The following SKAP1 variants were observed in gnomAD, a reference collection of about 807,000 sequenced individuals.
The protein encoded by SKAP1 is src kinase-associated phosphoprotein 1.
Under a neutral mutation model 58.5 loss-of-function variants are expected in SKAP1, and 44 were observed. The observed-to-expected ratio is 0.75, with a 90% CI of 0.59 to 0.97. SKAP1 has a LOEUF of 0.97. Among genes scored for constraint, SKAP1 ranks in the 50% least tolerant of loss-of-function variants. The pLI is 0.00. For missense variants in SKAP1, 390 were observed against 435.2 expected (o/e 0.90, Z 0.92); for synonymous variants, 127 against 149.7 (o/e 0.85, Z 1.11).
chr17:48,301,776 C>G (rs2066060790), intron 4 of SKAP1, among the ~76,000 whole-genome samples: 1 of 152,194 alleles, frequency 6.6e-6, no homozygotes, highest in African/African-American at 2.4e-5. Flanking sequence ...CGCACCCAGT[C>G]TGAATCTACA....
chr17:48,416,092 C>G (rs1319979046), intron 1 of SKAP1, among the ~76,000 whole-genome samples: 1 of 152,098 alleles, frequency 6.6e-6, no homozygotes, highest in Non-Finnish European at 1.5e-5. Flanking sequence ...AACATTGCTT[C>G]TATAAGAAAA....
intron 11 of SKAP1, among the ~76,000 whole-genome samples, chr17:48,159,578 G>C (rs946832668): frequency 2.5e-4 from 38 of 152,308 alleles, no homozygotes; most frequent in African/African-American, 7.5e-4. Flanking sequence ...GAGTGTAACG[G>C]ACCCCAGCAA....
chr17:48,210,246 G>A (rs1050410638), intron 4 of SKAP1, among the ~76,000 whole-genome samples: 13 of 152,172 alleles, frequency 8.5e-5, no homozygotes, highest in African/African-American at 1.9e-4. Flanking sequence ...CCTTGGAGCC[G>A]TGGTTCGTAA....
At chr17:48,411,181 C>G in intron 1 of SKAP1, among the ~76,000 whole-genome samples, 1 of 151,966 alleles carries the variant, frequency 6.6e-6, no homozygotes, top group East Asian at 1.9e-4. Flanking sequence ...GGGCAGATCA[C>G]TTGAGGTCAG....
intron 2 of SKAP1, among the ~76,000 whole-genome samples, chr17:48,364,401 G>A (rs906499288): frequency 2.6e-5 from 4 of 152,168 alleles, no homozygotes; most frequent in Non-Finnish European, 4.4e-5. Context: ...CATGGGCCGG[G>A]TGTGGTGGCT....
chr17:48,352,696 T>C (rs1367175140), intron 3 of SKAP1, among the ~76,000 whole-genome samples: 8 of 152,184 alleles, frequency 5.3e-5, no homozygotes, highest in Non-Finnish European at 1.0e-4. Context: ...GACTATCTCA[T>C]TTAATCCTCA....
chr17:48,308,734 CT>C (rs2144166370), intron 4 of SKAP1: 1 of 152,170 alleles, frequency 6.6e-6, no homozygotes, highest in Admixed American at 6.5e-5. Flanking sequence ...GCTATTTAAC[CT>C]TTGGGCAAGT....
chr17:48,244,365 C>T (rs1244560317), intron 4 of SKAP1, among the ~76,000 whole-genome samples: 1 of 152,142 alleles, frequency 6.6e-6, no homozygotes, highest in Non-Finnish European at 1.5e-5. Context: ...ATAACACTCC[C>T]CAAATGGAAG....
At chr17:48,240,503 C>A (rs1266393462) in intron 4 of SKAP1, among the ~76,000 whole-genome samples, 1 of 152,142 alleles carries the variant, frequency 6.6e-6, no homozygotes, top group African/African-American at 2.4e-5. Flanking sequence ...CAGCAAATGC[C>A]CTCTGAGGGC....
chr17:48,386,727 G>C (rs2067281635), intron 2 of SKAP1, among the ~76,000 whole-genome samples: 2 of 152,146 alleles, frequency 1.3e-5, no homozygotes, highest in African/African-American at 4.8e-5. Flanking sequence ...TTAGGGGATG[G>C]GGGCAGGAGC....
At chr17:48,192,653 G>C (rs931064688) in intron 4 of SKAP1, among the ~76,000 whole-genome samples, 3 of 152,300 alleles carry the variant, frequency 2.0e-5, no homozygotes, top group Admixed American at 1.3e-4. Flanking sequence ...ATCAGAGAGA[G>C]AGCTTGAATT....
chr17:48,439,956 C>A, the SKAP1 span, among the ~76,000 whole-genome samples: 1 of 152,218 alleles, frequency 6.6e-6, no homozygotes, highest in Admixed American at 6.5e-5. Flanking sequence ...CTAAAAAGAC[C>A]TTCCTGTTAG....
At chr17:48,441,554 A>T in the SKAP1 span, among the ~76,000 whole-genome samples, 4 of 152,336 alleles carry the variant, frequency 2.6e-5, no homozygotes, top group East Asian at 7.7e-4. Flanking sequence ...TGATGCCAAA[A>T]GAGAGAAGAT....
chr17:48,401,123 C>T (rs1021890529), intron 1 of SKAP1, among the ~76,000 whole-genome samples: 13 of 152,080 alleles, frequency 8.5e-5, no homozygotes, highest in East Asian at 1.9e-4. Flanking sequence ...CTGGTCAACA[C>T]GGAGAAACCC....
At chr17:48,222,107 T>C (rs1419780607) in intron 4 of SKAP1, among the ~76,000 whole-genome samples, 1 of 152,000 alleles carries the variant, frequency 6.6e-6, no homozygotes. Context: ...CTCTTACCAC[T>C]CTCTCAGAAA....
chr17:48,229,467 A>C (rs1393438320), intron 4 of SKAP1, among the ~76,000 whole-genome samples: 1 of 151,988 alleles, frequency 6.6e-6, no homozygotes, highest in Non-Finnish European at 1.5e-5. Flanking sequence ...CTAAAAATAC[A>C]AAAATTAGCT....
intron 11 of SKAP1, among the ~76,000 whole-genome samples, chr17:48,161,428 G>A (rs1016694928): frequency 2.0e-5 from 3 of 152,194 alleles, no homozygotes; most frequent in African/African-American, 7.2e-5. Context: ...GCTAGGGACA[G>A]AGCCTATTAT....
At chr17:48,210,687 A>G (rs1278941944) in intron 4 of SKAP1, among the ~76,000 whole-genome samples, 8 of 152,220 alleles carry the variant, frequency 5.3e-5, no homozygotes, top group Non-Finnish European at 8.8e-5. Flanking sequence ...ACATTAATCA[A>G]CCAATAAAAG....
chr17:48,204,955 CCT>C (rs1357427835), intron 4 of SKAP1, among the ~76,000 whole-genome samples: 4 of 87,832 alleles, frequency 4.6e-5, no homozygotes, highest in Non-Finnish European at 7.3e-5. Flanking sequence ...CTCCCTCCTT[CCT>C]CTTTCTTTTC....
Sources: gnomAD v4.1 joint callset for allele counts (sites outside exome capture counted in the v4.1 genomes callset) on GRCh38, gnomAD v4.1.1 for gene constraint, MANE v1.5 for transcripts, NCBI Gene and HGNC (gene_info 2026-07-23, HGNC 2026-07-21) for gene names.